The following EIF4G3 variants were observed in gnomAD, a reference collection of about 807,000 sequenced individuals.
EIF4G3 encodes eIF-4-gamma 3.
A neutral mutation model predicts 186.4 loss-of-function variants in EIF4G3; 34 were observed. That is an observed-to-expected ratio of 0.18 (90% CI 0.14 to 0.24). The LOEUF (loss-of-function observed/expected upper bound fraction) is 0.24. Among genes scored for constraint, EIF4G3 ranks in the 10% least tolerant of loss-of-function variants. The pLI, the probability that EIF4G3 is intolerant of heterozygous loss-of-function variation, is 1.00. For missense variants in EIF4G3, 1,536 were observed against 1,948.5 expected (o/e 0.79, Z 3.99); for synonymous variants, 673 against 679.5 (o/e 0.99, Z 0.15).
At chr1:20,897,412 GA>G (rs58304660) in intron 16 of EIF4G3, among the ~76,000 whole-genome samples, 6,695 of 132,380 alleles carry the variant, frequency 0.051, 230 homozygotes, top group South Asian at 0.14. Flanking sequence ...TTATTTTAGA[GA>G]AAAAAAAAAA....
intron 25 of EIF4G3, 145 bp downstream of exon 25, chr1:20,857,258 A>G: frequency 8.9e-6 from 6 of 675,336 alleles, no homozygotes; most frequent in Non-Finnish European, 1.3e-5. Context: ...TAACCACCCC[A>G]TGGATTTGCA....
chr1:20,936,204 G>A (rs980499994), intron 14 of EIF4G3, among the ~76,000 whole-genome samples: 9 of 152,268 alleles, frequency 5.9e-5, no homozygotes, highest in African/African-American at 2.2e-4. Context: ...GAGTTTACTG[G>A]GGAGGGAAAC....
intron 12 of EIF4G3, among the ~76,000 whole-genome samples, chr1:20,961,531 A>G (rs543931706): frequency 3.9e-5 from 6 of 152,182 alleles, no homozygotes; most frequent in Non-Finnish European, 8.8e-5. Flanking sequence ...TCTGCTAGCT[A>G]TTTCAAAATG....
chr1:20,846,297 T>G (rs2070987835), intron 29 of EIF4G3, among the ~76,000 whole-genome samples: 1 of 152,216 alleles, frequency 6.6e-6, no homozygotes, highest in African/African-American at 2.4e-5. Flanking sequence ...CTAGCCTGAT[T>G]ACCCTGGCCA....
intron 2 of EIF4G3, among the ~76,000 whole-genome samples, chr1:21,163,722 T>A (rs527860499): frequency 6.6e-6 from 1 of 152,320 alleles, no homozygotes; most frequent in South Asian, 2.1e-4. Context: ...GCAAAAAGAA[T>A]CCTGCTAAAC....
At chr1:21,099,169 G>A (rs1410719757) in intron 2 of EIF4G3, among the ~76,000 whole-genome samples, 1 of 152,186 alleles carries the variant, frequency 6.6e-6, no homozygotes, top group Non-Finnish European at 1.5e-5. Flanking sequence ...CGTTGGTAGA[G>A]TGCAAAATGG....
intron 16 of EIF4G3, among the ~76,000 whole-genome samples, chr1:20,897,564 C>A (rs2088707277): frequency 6.6e-6 from 1 of 152,092 alleles, no homozygotes; most frequent in South Asian, 2.1e-4. Context: ...TAAAACTCAT[C>A]AAAATCAGAC....
At chr1:20,835,479 C>G (rs900315242) in intron 30 of EIF4G3, among the ~76,000 whole-genome samples, 1 of 151,726 alleles carries the variant, frequency 6.6e-6, no homozygotes, top group Non-Finnish European at 1.5e-5. Context: ...ATCAAGAAAC[C>G]CTTATCTAGA....
chr1:20,889,221 T>G (rs1037352454), intron 18 of EIF4G3, among the ~76,000 whole-genome samples: 1 of 152,202 alleles, frequency 6.6e-6, no homozygotes. Flanking sequence ...TTCCACTGCC[T>G]ACTTGGATAA....
intron 7 of EIF4G3, among the ~76,000 whole-genome samples, chr1:20,987,695 C>A (rs1469316757): frequency 6.6e-6 from 1 of 152,134 alleles, no homozygotes; most frequent in Non-Finnish European, 1.5e-5. Flanking sequence ...TGTCCCCCCG[C>A]CTCTCCCATT....
intron 14 of EIF4G3, among the ~76,000 whole-genome samples, chr1:20,925,260 T>G (rs768342132): frequency 6.6e-6 from 1 of 152,216 alleles, no homozygotes; most frequent in African/African-American, 2.4e-5. Flanking sequence ...TCATGATTTA[T>G]ACAATTTATG....
intron 30 of EIF4G3, 30 bp from the exon 31 acceptor site, chr1:20,829,302 T>A (rs369426015): frequency 1.7e-5 from 27 of 1,602,982 alleles, no homozygotes; most frequent in Non-Finnish European, 2.2e-5. Flanking sequence ...AAAAATCACA[T>A]GCAAATGTAA....
At position 20,993,075 on chromosome 1, in the gene EIF4G3, A is replaced by G. The variant is rs184486591; in HGVS notation, c.177+4526T>C. On this transcript the variant is annotated intron_variant, in intron 7 of 36. Transcript: ENST00000602326. The stretch of plus-strand genomic sequence containing the variant: ...ATCTTTGAAGAAAACTGTAATTCTA[A>G]AAGCTCTTCAGGTTATAAAATGCCA... Among the ~76,000 whole-genome samples, 64 of 152,312 alleles carry G rather than the reference A, an allele frequency of 4.2e-4. No homozygotes were observed. The East Asian group carries it at 0.011, about 25-fold the overall frequency.
At chr1:20,830,434 T>C (rs2064823045) in intron 30 of EIF4G3, among the ~76,000 whole-genome samples, 1 of 152,248 alleles carries the variant, frequency 6.6e-6, no homozygotes, top group African/African-American at 2.4e-5. Context: ...GTGTCTGTGC[T>C]ATGGCAAATA....
At chr1:20,895,614 T>G in intron 16 of EIF4G3, 113 bp from the exon 17 acceptor site, 1 of 1,161,172 alleles carries the variant, frequency 8.6e-7, no homozygotes, top group Non-Finnish European at 1.2e-6. Flanking sequence ...ATATACAACA[T>G]TATAGCCCAT....
At chr1:21,094,312 T>C (rs1474505892) in intron 2 of EIF4G3, among the ~76,000 whole-genome samples, 1 of 151,910 alleles carries the variant, frequency 6.6e-6, no homozygotes, top group African/African-American at 2.4e-5. Context: ...TAAAGACACA[T>C]GCACACATAC....
chr1:20,864,282 G>A (rs915625844), intron 22 of EIF4G3, among the ~76,000 whole-genome samples, 194 bp downstream of exon 22: 1 of 152,150 alleles, frequency 6.6e-6, no homozygotes, highest in African/African-American at 2.4e-5. Flanking sequence ...CACAATTTGG[G>A]ACCCTCCTCA....
intron 29 of EIF4G3, among the ~76,000 whole-genome samples, chr1:20,843,583 T>A (rs2069529923): frequency 1.3e-5 from 2 of 152,204 alleles, no homozygotes; most frequent in Non-Finnish European, 2.9e-5. Context: ...ATTAAATGTC[T>A]TCTAATGGGA....
intron 4 of EIF4G3, among the ~76,000 whole-genome samples, chr1:21,024,321 G>A (rs2091644229): frequency 6.6e-6 from 1 of 152,042 alleles, no homozygotes; most frequent in South Asian, 2.1e-4. Context: ...TGCCCGGCCA[G>A]CCGCCCCGAC....
Sources: gnomAD v4.1 joint callset for allele counts (sites outside exome capture counted in the v4.1 genomes callset) on GRCh38, gnomAD v4.1.1 for gene constraint, MANE v1.5 for transcripts, NCBI Gene and HGNC (gene_info 2026-07-23, HGNC 2026-07-21) for gene names.